TBCE: variants seen among roughly 807,000 people sequenced by gnomAD.
TBCE encodes the protein tubulin-specific chaperone E.
Under a neutral mutation model 77.0 loss-of-function variants are expected in TBCE, and 53 were observed. That is an observed-to-expected ratio of 0.69 (90% CI 0.55 to 0.87). The LOEUF (loss-of-function observed/expected upper bound fraction) is 0.87, where lower values mean the gene tolerates loss of function less well. Ranked by LOEUF, TBCE falls within the 40% of genes least tolerant of loss-of-function variation. The pLI is 0.00. For synonymous variants in TBCE, 235 were observed against 241.3 expected, an observed-to-expected ratio of 0.97 and a Z score of 0.24; for missense variants, 624 against 622.4, an observed-to-expected ratio of 1.00 and a Z score of -0.03.
In TBCE at chr1:235,451,578, A is replaced by G. The variant is rs1202625497; in HGVS notation, c.*2816A>G. ...AGACCCAGCAAAGACTACAGATCCC[A>G]GAATTACCAGATACAAAAAAGAATT... On this transcript the variant is annotated 3_prime_UTR_variant, in exon 17 of 17. Transcript: ENST00000642610. The G allele has an allele frequency of 6.6e-6, 1 of 152,118 alleles. No individual in the cohort carries two copies. Among genetic ancestry groups the G allele is most frequent in the African/African-American group, 2.4e-5 (1 of 41,432 alleles). The allele number at this position is 152,118 out of a possible 1,614,324, so 9.4% of individuals were successfully genotyped here. A position where few individuals can be genotyped will look rare whatever the true frequency, so the allele number is the denominator to read the frequency against.
intron 3 of TBCE, among the ~76,000 whole-genome samples, chr1:235,403,981 GT>G (rs1265180648): frequency 6.6e-6 from 1 of 152,024 alleles, no homozygotes; most frequent in Non-Finnish European, 1.5e-5. Flanking sequence ...AAAAGGTACA[GT>G]AAAAATAAAA....
Position 235,436,553 on chromosome 1 carries a change from C to T in TBCE, c.908C>T (p.Thr303Met), listed in dbSNP as rs759360868. The change falls in exon 11 of 17, where the codon ACG becomes ATG. Residue 303 changes from threonine to methionine, a missense_variant. Physicochemically the swap from Thr to Met is moderately conservative, Grantham distance 81 (BLOSUM62 -1). Transcript: ENST00000642610. ...HFPDAGIGCK[T>M]SMFPSLKYLV... ...ATTCCTCTTTTTATAGGGTGCAAAA[C>T]GTCCATGTTCCCATCCTTGAAGTAC... is the stretch of plus-strand genomic sequence containing the variant. 21 of 1,613,808 alleles carry T rather than the reference C, an allele frequency of 1.3e-5. No homozygotes were observed. The highest frequency in any genetic ancestry group is 4.0e-5 in the African/African-American group (3 of 74,888).
intron 7 of TBCE, among the ~76,000 whole-genome samples, chr1:235,432,563 T>G (rs528001292): frequency 1.3e-5 from 2 of 152,246 alleles, no homozygotes; most frequent in East Asian, 3.9e-4. Context: ...GAGGATCACT[T>G]GAGCCCAGGA....
At position 235,426,706 on chromosome 1, in the gene TBCE, C is replaced by T. The variant is rs538100885; in HGVS notation, c.461-434C>T. Among the ~76,000 whole-genome samples the T allele has an allele frequency of 2.0e-4, 30 of 152,268 alleles. No homozygotes were observed. The South Asian group carries it at 5.8e-3, about 29-fold the overall frequency. On this transcript the variant is annotated intron_variant, in intron 5 of 16. Coordinates refer to ENST00000642610, the MANE Select transcript of TBCE (RefSeq NM_003193.5). The stretch of plus-strand genomic sequence containing the variant: ...TGTCACCCAGGCTGGAGTGCAGTGG[C>T]GCAGTCTCCACTCACTGCAACCTCC...
chr1:235,369,936 G>C (rs1676806690), intron 1 of TBCE, among the ~76,000 whole-genome samples: 1 of 151,914 alleles, frequency 6.6e-6, no homozygotes, highest in Non-Finnish European at 1.5e-5. Context: ...CTCATCTCCT[G>C]TTTGCTCTAC....
rs1201938612 is a variant in TBCE, at chr1:235,373,774, G to C, written c.-31-6245G>C. ...CGCCATTCTCCTGCCTCAGCCTCCC[G>C]AGTAGCTGGGACTACAAGCGCCCGC... On this transcript the variant is annotated intron_variant, in intron 1 of 16. Transcript: ENST00000642610. Among the ~76,000 whole-genome samples the C allele has an allele frequency of 2.0e-5, 3 of 148,464 alleles. No individual in the cohort carries two copies. The East Asian group carries it at 5.8e-4, about 29-fold the overall frequency.
intron 5 of TBCE, 78 bp downstream of exon 5, chr1:235,419,639 A>G (rs1333066498): frequency 4.4e-6 from 7 of 1,585,954 alleles, no homozygotes; most frequent in Non-Finnish European, 8.6e-7. Context: ...CTAATTGCCT[A>G]CCCATTGTCC....
chr1:235,418,784 C>A (rs956255067), intron 4 of TBCE, among the ~76,000 whole-genome samples: 1 of 151,978 alleles, frequency 6.6e-6, no homozygotes. Context: ...GAAGGCTCTG[C>A]GGAGTAGAAT....
intron 4 of TBCE, among the ~76,000 whole-genome samples, chr1:235,418,069 A>C (rs1680202195): frequency 6.6e-6 from 1 of 152,210 alleles, no homozygotes. Context: ...GGCATAAGCC[A>C]CTGCCCCCGG....
chr1:235,444,220 C>T (rs1040371189), intron 15 of TBCE, among the ~76,000 whole-genome samples: 17 of 152,144 alleles, frequency 1.1e-4, no homozygotes, highest in South Asian at 4.1e-4. Flanking sequence ...TTTACCACAA[C>T]GTCTCCATTT....
chr1:235,389,790 G>A (rs746406024), intron 2 of TBCE, among the ~76,000 whole-genome samples: 1 of 151,958 alleles, frequency 6.6e-6, no homozygotes, highest in Non-Finnish European at 1.5e-5. Context: ...CCAGTTAATC[G>A]TGCATATTGT....
intron 2 of TBCE, among the ~76,000 whole-genome samples, chr1:235,391,753 T>C (rs1010311769): frequency 6.6e-6 from 1 of 151,270 alleles, no homozygotes; most frequent in African/African-American, 2.4e-5. Flanking sequence ...ATTACAGACT[T>C]GCACCACTAT....
intron 3 of TBCE, among the ~76,000 whole-genome samples, chr1:235,408,682 C>T (rs1003561596): frequency 4.6e-5 from 7 of 152,156 alleles, no homozygotes; most frequent in Admixed American, 2.6e-4. Context: ...AACAACCTCT[C>T]TGGGTCAGCT....
chr1:235,450,311 A>T lies in TBCE; in HGVS notation c.*1549A>T. ...GAGGAGAAGACAGCATTCCTGTCTC[A>T]CAGGTCTTCTCACACAGCCACAGAC... On this transcript the variant is annotated 3_prime_UTR_variant, in exon 17 of 17. Coordinates refer to ENST00000642610, the MANE Select transcript of TBCE (RefSeq NM_003193.5). 1 of 1,613,888 alleles carries T rather than the reference A, an allele frequency of 6.2e-7. No individual in the cohort carries two copies. Among genetic ancestry groups the T allele is most frequent in the Non-Finnish European group, 8.5e-7 (1 of 1,179,740 alleles).
At position 235,448,460 on chromosome 1, in the gene TBCE, ACAAAGT is replaced by A. The variant is rs745668309; in HGVS notation, c.1491+30_1491+35del. On this transcript the variant is annotated intron_variant, in intron 16 of 16. Coordinates refer to ENST00000642610, the MANE Select transcript of TBCE (RefSeq NM_003193.5). ...CCCAAAGTAAGTTGCCCAGCAAAAT[ACAAAGT>A]CAAAGTCAAGCTTAGTCCTCGTATT... The A allele has an allele frequency of 1.4e-5, 22 of 1,610,338 alleles. No homozygotes were observed. Among genetic ancestry groups the A allele is most frequent in the Middle Eastern group, 1.7e-4 (1 of 6,060 alleles).
intron 1 of TBCE, among the ~76,000 whole-genome samples, chr1:235,370,745 C>CT (rs747282905): frequency 0.35 from 27,387 of 78,058 alleles, 4,184 homozygotes; most frequent in African/African-American, 0.55. Context: ...CTTGTCTTTT[C>CT]TTTTTTTTTT....
At chr1:235,446,991 T>C (rs752621981) in intron 15 of TBCE, among the ~76,000 whole-genome samples, 10 of 152,144 alleles carry the variant, frequency 6.6e-5, no homozygotes, top group Non-Finnish European at 1.2e-4. Flanking sequence ...TAGAACTGTT[T>C]TATGACCAAA....
In TBCE at chr1:235,449,020, C is replaced by T. The variant is rs566587741; in HGVS notation, c.*258C>T. The T allele has an allele frequency of 5.2e-6, 2 of 384,404 alleles. No homozygotes were observed. The highest frequency in any genetic ancestry group is 6.1e-5 in the East Asian group (1 of 16,346). The allele number at this position is 384,404 out of a possible 1,614,324, so 23.8% of individuals were successfully genotyped here. On this transcript the variant is annotated 3_prime_UTR_variant, in exon 17 of 17. Transcript: ENST00000642610. Reference sequence around the variant, plus strand: ...ATTTTTACAGCTCATCACTGCATTTCATGATAAGATTTAAATATTAAATAG... The same window carrying T: ...ATTTTTACAGCTCATCACTGCATTTTATGATAAGATTTAAATATTAAATAG...
chr1:235,410,071 C>T (rs1374083954), intron 3 of TBCE, among the ~76,000 whole-genome samples: 5 of 150,328 alleles, frequency 3.3e-5, no homozygotes, highest in South Asian at 2.1e-4. Flanking sequence ...AAAAATTAGC[C>T]GGGCGTGGTG....
Sources: allele counts gnomAD v4.1 joint callset (sites outside exome capture counted in the v4.1 genomes callset), GRCh38; gene constraint gnomAD v4.1.1; transcripts MANE v1.5; gene names NCBI Gene and HGNC (gene_info 2026-07-23, HGNC 2026-07-21).